The following MOB3B variants were observed in gnomAD, a reference collection of about 807,000 sequenced individuals.
The protein encoded by MOB3B is MOB kinase activator-like 2B.
In MOB3B, 7 loss-of-function variants were observed where a neutral mutation model predicts 18.7. The observed-to-expected ratio is 0.37, with a 90% confidence interval of 0.21 to 0.70. The LOEUF (loss-of-function observed/expected upper bound fraction) is 0.70. Ranked by LOEUF, MOB3B falls within the 30% of genes least tolerant of loss-of-function variation. The pLI is 0.52. For synonymous variants in MOB3B, 111 were observed against 99.9 expected (o/e 1.11, Z -0.66); for missense variants, 253 against 281.3 (o/e 0.90, Z 0.72).
intron 1 of MOB3B, among the ~76,000 whole-genome samples, chr9:27,510,844 G>A (rs1587268721): frequency 6.6e-6 from 1 of 152,208 alleles, no homozygotes; most frequent in African/African-American, 2.4e-5. Context: ...GTGGGGGTCA[G>A]GAGATACTCC....
chr9:27,484,456 C>A (rs1297981733), intron 1 of MOB3B, among the ~76,000 whole-genome samples: 1 of 152,162 alleles, frequency 6.6e-6, no homozygotes, highest in East Asian at 1.9e-4. Context: ...TCTCCCTGTG[C>A]AAAACTGATG....
intron 2 of MOB3B, among the ~76,000 whole-genome samples, chr9:27,373,596 A>G (rs1040617648): frequency 6.6e-6 from 1 of 152,140 alleles, no homozygotes; most frequent in Non-Finnish European, 1.5e-5. Flanking sequence ...AATACTACCT[A>G]CCTACAATGA....
intron 1 of MOB3B, among the ~76,000 whole-genome samples, chr9:27,468,602 C>A (rs756685002): frequency 3.3e-5 from 5 of 152,192 alleles, no homozygotes; most frequent in Non-Finnish European, 7.3e-5. Context: ...TCTTTGCTCA[C>A]ATGTCTGGCC....
intron 1 of MOB3B, among the ~76,000 whole-genome samples, chr9:27,476,652 C>T (rs1284791524): frequency 6.6e-6 from 1 of 152,214 alleles, no homozygotes; most frequent in Non-Finnish European, 1.5e-5. Context: ...AACCCCAAAA[C>T]AACTGCCTTT....
chr9:27,335,658 G>A (rs1159702850), intron 3 of MOB3B, among the ~76,000 whole-genome samples: 2 of 152,048 alleles, frequency 1.3e-5, no homozygotes, highest in East Asian at 1.9e-4. Flanking sequence ...AACACACAAC[G>A]ATTTCCATAC....
intron 1 of MOB3B, among the ~76,000 whole-genome samples, chr9:27,482,146 G>A (rs532917373): frequency 3.3e-5 from 5 of 152,238 alleles, no homozygotes; most frequent in Admixed American, 6.5e-5. Context: ...GGAAGCGAAG[G>A]CTTATGCTAA....
intron 1 of MOB3B, chr9:27,524,752 T>C (rs774744258): frequency 6.2e-7 from 1 of 1,613,460 alleles, no homozygotes; most frequent in East Asian, 2.2e-5. Context: ...AATGAAGACA[T>C]GAAAGAAATG....
At chr9:27,349,233 T>A (rs1441858159) in intron 3 of MOB3B, among the ~76,000 whole-genome samples, 2 of 152,242 alleles carry the variant, frequency 1.3e-5, no homozygotes, top group Non-Finnish European at 2.9e-5. Context: ...GACCTTTATG[T>A]ATAAAATTGT....
chr9:27,451,587 C>T (rs1181211706), intron 2 of MOB3B, among the ~76,000 whole-genome samples: 1 of 152,170 alleles, frequency 6.6e-6, no homozygotes, highest in African/African-American at 2.4e-5. Flanking sequence ...GAAGCTTTCA[C>T]ATCTGTCAGT....
chr9:27,358,074 TA>T (rs1370662033), intron 3 of MOB3B, among the ~76,000 whole-genome samples: 1 of 150,902 alleles, frequency 6.6e-6, no homozygotes, highest in African/African-American at 2.4e-5. Context: ...AAAGAAAAAA[TA>T]AAAATAATAA....
intron 1 of MOB3B, chr9:27,524,541 C>T (rs1820398806): frequency 6.2e-7 from 1 of 1,613,914 alleles, no homozygotes; most frequent in African/African-American, 1.3e-5. Context: ...TTTTGAGTTG[C>T]CCCAAGAGTT....
chr9:27,447,086 G>A (rs1272067837), intron 2 of MOB3B, among the ~76,000 whole-genome samples: 1 of 152,112 alleles, frequency 6.6e-6, no homozygotes, highest in Admixed American at 6.5e-5. Context: ...TGCCTACAAA[G>A]GTTCGTTGAA....
In MOB3B at chr9:27,527,849, C is replaced by T. The variant is rs113172946; in HGVS notation, c.-199+1706G>A. Among the ~76,000 whole-genome samples the T allele has an allele frequency of 3.2e-3, 485 of 152,248 alleles. 4 individuals carry two copies. The highest frequency in any genetic ancestry group is 0.011 in the African/African-American group (471 of 41,540). ...TCAGAGTAGCTACTTTGCTTTTGCC[C>T]CAGTTCTTTAATCAATAATCCACAC... On this transcript the variant is annotated intron_variant, in intron 1 of 3. Transcript: ENST00000262244.
chr9:27,495,702 T>C (rs1305746093), intron 1 of MOB3B, among the ~76,000 whole-genome samples: 1 of 152,238 alleles, frequency 6.6e-6, no homozygotes, highest in Non-Finnish European at 1.5e-5. Context: ...AAAGTCTAAA[T>C]GGGTTCAAAC....
chr9:27,499,404 T>G (rs982427862), intron 1 of MOB3B, among the ~76,000 whole-genome samples: 5 of 152,210 alleles, frequency 3.3e-5, no homozygotes, highest in African/African-American at 1.2e-4. Flanking sequence ...GTAAACAAAT[T>G]ACTTCTATAA....
intron 3 of MOB3B, among the ~76,000 whole-genome samples, chr9:27,349,258 T>G (rs1027796284): frequency 6.6e-6 from 1 of 152,232 alleles, no homozygotes; most frequent in African/African-American, 2.4e-5. Context: ...TAGGAGGAAG[T>G]GCTCCTGAGA....
At chr9:27,522,325 C>T (rs111943528) in intron 1 of MOB3B, among the ~76,000 whole-genome samples, 3,842 of 142,506 alleles carry the variant, frequency 0.027, 87 homozygotes, top group Middle Eastern at 0.058. Flanking sequence ...TTAAAAAATC[C>T]AGGTAAATAA....
At chr9:27,358,022 C>G (rs942350932) in intron 3 of MOB3B, among the ~76,000 whole-genome samples, 8 of 151,118 alleles carry the variant, frequency 5.3e-5, no homozygotes, top group Admixed American at 5.3e-4. Flanking sequence ...TATGATCTTG[C>G]CATTGCACTC....
intron 1 of MOB3B, among the ~76,000 whole-genome samples, chr9:27,482,092 G>A (rs1440399185): frequency 2.6e-5 from 4 of 151,994 alleles, no homozygotes; most frequent in African/African-American, 4.8e-5. Flanking sequence ...AAAGCAAAAG[G>A]GTGGAATAAA....
Sources: allele counts gnomAD v4.1 joint callset (sites outside exome capture counted in the v4.1 genomes callset), GRCh38; gene constraint gnomAD v4.1.1; transcripts MANE v1.5; gene names NCBI Gene and HGNC (gene_info 2026-07-23, HGNC 2026-07-21).